Variants in TRMT5 observed in about 807,000 individuals in gnomAD.
TRMT5 encodes tRNA (guanine(37)-N(1))-methyltransferase.
Under a neutral mutation model 42.2 loss-of-function variants are expected in TRMT5, and 31 were observed. The ratio of observed to expected loss-of-function variants is 0.73; its 90% CI spans 0.55 to 0.99. The LOEUF (loss-of-function observed/expected upper bound fraction) is 0.99, where lower values mean the gene tolerates loss of function less well. TRMT5 is among the 50% of genes least tolerant of loss of function. The pLI is 0.00. For synonymous variants in TRMT5, 198 were observed against 209.6 expected (o/e 0.94, Z 0.48); for missense variants, 568 against 595.0 (o/e 0.95, Z 0.47).
In TRMT5 at chr14:60,975,856, C is replaced by G. The variant is rs781599191; in HGVS notation, c.1063G>C (p.Asp355His). The G allele has an allele frequency of 1.2e-6, 2 of 1,614,192 alleles. No individual in the cohort carries two copies. The highest frequency in any genetic ancestry group is 1.7e-6 in the Non-Finnish European group (2 of 1,180,040). The stretch of plus-strand genomic sequence containing the variant: ...GGTCCTTGGAGGAAGTCTTTCCCAT[C>G]CAAGTTGAAGACTTTCACCTTTTGG... ...VDQKVKVFNLDGKDFLQGPVK... is the reference protein window; with the variant it reads ...VDQKVKVFNLHGKDFLQGPVK... Residue 355 changes from aspartate to histidine, a missense_variant, in exon 4 of 5, where the codon GAT becomes CAT. Asp to His is a moderately conservative substitution (Grantham distance 81). Transcript: ENST00000261249.
intron 1 of TRMT5, among the ~76,000 whole-genome samples, 189 bp from the exon 2 acceptor site, chr14:60,980,075 A>G (rs902809111): frequency 1.3e-5 from 2 of 152,144 alleles, no homozygotes; most frequent in African/African-American, 2.4e-5. Flanking sequence ...ATAGTGGTAT[A>G]TATTAAATTT....
chr14:60,980,770 C>A, intron 1 of TRMT5, 193 bp downstream of exon 1: 1 of 799,926 alleles, frequency 1.3e-6, no homozygotes, highest in South Asian at 1.8e-5. Context: ...TCTCGGTTTT[C>A]CCACCAGTAA....
chr14:60,973,549 G>T lies in TRMT5; in HGVS notation c.*1560C>A, dbSNP rs1002541850. ...CACACCTGTAACCTTCACACATTGG[G>T]AAGCCGAGATGGGAAGATCTCAAGC... On this transcript the variant is annotated 3_prime_UTR_variant, in exon 5 of 5. Transcript: ENST00000261249. The T allele has an allele frequency of 6.6e-6, 1 of 152,216 alleles. No individual in the cohort carries two copies. Among genetic ancestry groups the T allele is most frequent in the Non-Finnish European group, 1.5e-5 (1 of 68,066 alleles). 9.4% of individuals were successfully genotyped at this position (152,216 alleles called of 1,614,324 possible).
Position 60,972,452 on chromosome 14 carries a change from CTT to C in TRMT5, c.*2655_*2656del, listed in dbSNP as rs1452153838. The stretch of plus-strand genomic sequence containing the variant: ...TATCTCCTTTAGCATCCCCTTCAGT[CTT>C]TCTCTTGGGCATGGCGGCGGCGGCG... On this transcript the variant is annotated 3_prime_UTR_variant, in exon 5 of 5. Coordinates refer to ENST00000261249, the MANE Select transcript of TRMT5 (RefSeq NM_020810.3). The C allele has an allele frequency of 1.5e-5, 8 of 523,022 alleles. No homozygotes were observed. The East Asian group carries it at 4.2e-4, about 28-fold the overall frequency. 32.4% of individuals were successfully genotyped at this position (523,022 alleles called of 1,614,324 possible). A position where few individuals can be genotyped will look rare whatever the true frequency, so the allele number is the denominator to read the frequency against.
In TRMT5 at chr14:60,972,468, G is replaced by A. The variant is rs375686050; in HGVS notation, c.*2641C>T. Reference sequence around the variant, plus strand: ...CCCTTCAGTCTTTCTCTTGGGCATGGCGGCGGCGGCGGCGGCGGGATGTGG... The same window carrying A: ...CCCTTCAGTCTTTCTCTTGGGCATGACGGCGGCGGCGGCGGCGGGATGTGG... On this transcript the variant is annotated 3_prime_UTR_variant, in exon 5 of 5. Coordinates refer to ENST00000261249, the MANE Select transcript of TRMT5 (RefSeq NM_020810.3). 3.8e-3 allele frequency: 1,419 copies of A among 375,746 alleles called. 21 individuals are homozygous for A. Among genetic ancestry groups the A allele is most frequent in the African/African-American group, 0.027 (1,269 of 47,266 alleles). The allele number at this position is 375,746 out of a possible 1,614,324, so 23.3% of individuals were successfully genotyped here. A position where few individuals can be genotyped will look rare whatever the true frequency, so the allele number is the denominator to read the frequency against.
At chr14:60,977,700 GT>G in intron 2 of TRMT5, 62 bp from the exon 3 acceptor site, 1 of 1,462,820 alleles carries the variant, frequency 6.8e-7, no homozygotes, top group Non-Finnish European at 9.2e-7. Context: ...AGCTAACATT[GT>G]TAATATGAAA....
intron 1 of TRMT5, 118 bp downstream of exon 1, chr14:60,980,845 T>G: frequency 6.7e-7 from 1 of 1,483,542 alleles, no homozygotes; most frequent in South Asian, 1.1e-5. Flanking sequence ...GCTCAGCACC[T>G]AGGCGGGTGG....
Position 60,974,182 on chromosome 14 carries a change from G to A in TRMT5, c.*927C>T, listed in dbSNP as rs2036813990. ...AATAAAAAATAAAATGTGGGTTCAT[G>A]TGATATACATGGCACTCAAAATGCT... is the stretch of plus-strand genomic sequence containing the variant. On this transcript the variant is annotated 3_prime_UTR_variant, in exon 5 of 5. Transcript: ENST00000261249. 1 of 152,220 alleles carries A rather than the reference G, an allele frequency of 6.6e-6. No homozygotes were observed. The highest frequency in any genetic ancestry group is 1.5e-5 in the Non-Finnish European group (1 of 68,042). 9.4% of individuals were successfully genotyped at this position (152,220 alleles called of 1,614,324 possible).
Position 60,977,605 on chromosome 14 carries a change from G to A in TRMT5, c.701C>T (p.Thr234Ile), listed in dbSNP as rs747831060. The change falls in exon 3 of 5, where the codon ACC becomes ATC. Residue 234 changes from threonine to isoleucine, a missense_variant. Transcript: ENST00000261249. ...ATTATTTATTTTATTTACTGCTGAG[G>A]TGATTCCTGGATTTTTGTCAATCAT... ...QVMIDKNPGI[T>I]SAVNKINNID... 1 of 1,608,592 alleles carries A rather than the reference G, an allele frequency of 6.2e-7. No individual in the cohort carries two copies. Among genetic ancestry groups the A allele is most frequent in the Non-Finnish European group, 8.5e-7 (1 of 1,177,276 alleles).
upstream of TRMT5, chr14:60,981,228 G>T (rs763685863): frequency 1.3e-6 from 2 of 1,561,958 alleles, no homozygotes; most frequent in Non-Finnish European, 1.7e-6. Context: ...TGGAGCGCAG[G>T]GCAGGGGTAG....
In TRMT5 at chr14:60,979,675, G is replaced by A; in HGVS notation, c.223C>T (p.Pro75Ser). The A allele has an allele frequency of 6.2e-7, 1 of 1,614,078 alleles. No individual in the cohort carries two copies. Among genetic ancestry groups the A allele is most frequent in the Non-Finnish European group, 8.5e-7 (1 of 1,180,018 alleles). ...THERETELFS[P>S]PSDVRGMTKL... is the part of the protein sequence containing the mutation. ...GTCATGCCTCGGACATCAGAAGGTG[G>A]TGAAAACAATTCAGTCTCTCTCTCA... The change falls in exon 2 of 5, where the codon CCA becomes TCA. Residue 75 changes from proline (P) to serine (S), a missense_variant. By Grantham distance (74) the Pro-to-Ser change is moderately conservative. Transcript: ENST00000261249.
At position 60,975,991 on chromosome 14, in the gene TRMT5, C is replaced by G; in HGVS notation, c.928G>C (p.Gly310Arg). 6.2e-7 allele frequency: 1 copy of G among 1,614,168 alleles called. No homozygotes were observed. The highest frequency in any genetic ancestry group is 1.3e-5 in the African/African-American group (1 of 75,028). Residue 310 changes from glycine (G) to arginine (R), a missense_variant, in exon 4 of 5, where the codon GGG becomes CGG. Transcript: ENST00000261249. ...DVLFDVFAGV[G>R]PFAIPVAKKN... ...TTTGCTACTGGAATGGCAAAGGGCC[C>G]AACCCCAGCAAAAACATCAAATAGG...
chr14:60,979,695 C>T lies in TRMT5; in HGVS notation c.203G>A (p.Arg68Lys). The T allele has an allele frequency of 6.2e-7, 1 of 1,614,136 alleles. No individual in the cohort carries two copies. ...STMPETETHERETELFSPPSD... is the reference protein window; with the variant it reads ...STMPETETHEKETELFSPPSD... ...AGGTGGTGAAAACAATTCAGTCTCT[C>T]TCTCATGTGTTTCTGTTTCTGGCAT... is the stretch of plus-strand genomic sequence containing the variant. Residue 68 changes from arginine (R) to lysine (K), a missense_variant, in exon 2 of 5, where the codon AGA becomes AAA. Transcript: ENST00000261249.
intron 1 of TRMT5, 39 bp downstream of exon 1, chr14:60,980,924 C>A: frequency 6.2e-7 from 1 of 1,612,538 alleles, no homozygotes; most frequent in Non-Finnish European, 8.5e-7. Context: ...GCTGGTACCT[C>A]CCCTGGACCA....
At position 60,972,914 on chromosome 14, in the gene TRMT5, T is replaced by C. The variant is rs2036796033; in HGVS notation, c.*2195A>G. The C allele has an allele frequency of 6.5e-6, 1 of 152,700 alleles. No individual in the cohort carries two copies. The highest frequency in any genetic ancestry group is 1.5e-5 in the Non-Finnish European group (1 of 68,428). 9.5% of individuals were successfully genotyped at this position (152,700 alleles called of 1,614,324 possible). On this transcript the variant is annotated 3_prime_UTR_variant, in exon 5 of 5. Coordinates refer to ENST00000261249, the MANE Select transcript of TRMT5 (RefSeq NM_020810.3). The stretch of plus-strand genomic sequence containing the variant: ...CTTTTACATTTCTTCCCTTGAAATT[T>C]GCCTTTTAGCATGTCATTATTTTAA...
intron 3 of TRMT5, 35 bp downstream of exon 3, chr14:60,977,479 T>C: frequency 1.3e-6 from 2 of 1,564,190 alleles, no homozygotes; most frequent in Non-Finnish European, 1.7e-6. Context: ...AACATAATAT[T>C]GATATACACC....
At chr14:60,978,844 A>G (rs1290142315) in intron 2 of TRMT5, among the ~76,000 whole-genome samples, 4 of 152,230 alleles carry the variant, frequency 2.6e-5, no homozygotes, top group African/African-American at 9.6e-5. Context: ...CAATGAAAGC[A>G]TAAGTAAACA....
At chr14:60,979,137 T>C (rs1449971605) in intron 2 of TRMT5, 94 bp downstream of exon 2, 5 of 1,121,954 alleles carry the variant, frequency 4.5e-6, no homozygotes, top group Non-Finnish European at 6.3e-6. Flanking sequence ...GTTCTGCCTC[T>C]GTAACTTGGC....
In TRMT5 at chr14:60,972,966, A is replaced by C. The variant is rs2036796473; in HGVS notation, c.*2143T>G. On this transcript the variant is annotated 3_prime_UTR_variant, in exon 5 of 5. Coordinates refer to ENST00000261249, the MANE Select transcript of TRMT5 (RefSeq NM_020810.3). ...CACTTCTTACTGAAAATTAGGTTGA[A>C]TCACCTCAATTGCAGTTAAATAGAT... The C allele has an allele frequency of 6.6e-6, 1 of 152,348 alleles. No homozygotes were observed. The highest frequency in any genetic ancestry group is 1.5e-5 in the Non-Finnish European group (1 of 68,150). The allele number at this position is 152,348 out of a possible 1,614,324, so 9.4% of individuals were successfully genotyped here. A position where few individuals can be genotyped will look rare whatever the true frequency, so the allele number is the denominator to read the frequency against.
Sources: gnomAD v4.1 joint callset for allele counts (sites outside exome capture counted in the v4.1 genomes callset) on GRCh38, gnomAD v4.1.1 for gene constraint, MANE v1.5 for transcripts, NCBI Gene and HGNC (gene_info 2026-07-23, HGNC 2026-07-21) for gene names.